KSR2: variants seen among roughly 807,000 people sequenced by gnomAD.
KSR2 encodes the protein kinase suppressor of ras 2.
KSR2 carries 25 observed loss-of-function variants against 107.8 expected under a neutral mutation model. The observed-to-expected ratio is 0.23, with a 90% CI of 0.17 to 0.32. KSR2 has a LOEUF of 0.32. Among genes scored for constraint, KSR2 ranks in the 10% least tolerant of loss-of-function variants. KSR2 has a pLI of 1.00. For synonymous variants in KSR2, 480 were observed against 507.0 expected, an observed-to-expected ratio of 0.95 and a Z score of 0.71; for missense variants, 887 against 1,268.9, an observed-to-expected ratio of 0.70 and a Z score of 4.57.
intron 1 of KSR2, among the ~76,000 whole-genome samples, chr12:117,953,606 A>C (rs75730767): frequency 0.032 from 4,898 of 152,274 alleles, 262 homozygotes; most frequent in African/African-American, 0.11. Flanking sequence ...CTAGAGTATT[A>C]AGTTCATAGA....
At chr12:117,558,485 C>G in intron 8 of KSR2, 21 bp downstream of exon 8, 1 of 1,610,304 alleles carries the variant, frequency 6.2e-7, no homozygotes, top group Non-Finnish European at 8.5e-7. Flanking sequence ...GCCCCTAGGG[C>G]AGTAAGTGTT....
chr12:117,796,279 G>A (rs966610578), intron 3 of KSR2, among the ~76,000 whole-genome samples: 1 of 152,156 alleles, frequency 6.6e-6, no homozygotes, highest in Non-Finnish European at 1.5e-5. Flanking sequence ...AGGCCTCTGT[G>A]AGCAAGTGCA....
intron 4 of KSR2, among the ~76,000 whole-genome samples, chr12:117,744,937 T>A (rs1255063140): frequency 6.6e-6 from 1 of 152,202 alleles, no homozygotes; most frequent in Admixed American, 6.5e-5. Flanking sequence ...ATTTTTTAAA[T>A]AATGATGATT....
chr12:117,737,753 A>T (rs757653592), intron 4 of KSR2, among the ~76,000 whole-genome samples: 8 of 144,604 alleles, frequency 5.5e-5, no homozygotes, highest in Non-Finnish European at 1.0e-4. Flanking sequence ...ACTGCACTCC[A>T]GCCTGGGTGA....
intron 9 of KSR2, among the ~76,000 whole-genome samples, chr12:117,553,562 C>T (rs975183010): frequency 6.6e-6 from 1 of 152,172 alleles, no homozygotes; most frequent in Non-Finnish European, 1.5e-5. Flanking sequence ...AGGACCTGAA[C>T]ACAGGTCAGT....
intron 3 of KSR2, among the ~76,000 whole-genome samples, chr12:117,848,314 G>A (rs991252629): frequency 1.8e-4 from 27 of 152,318 alleles, no homozygotes; most frequent in African/African-American, 6.3e-4. Flanking sequence ...GTCTAGGAAG[G>A]GACCCTGCTG....
At chr12:117,861,811 A>C (rs1185911765) in intron 1 of KSR2, among the ~76,000 whole-genome samples, 3 of 152,080 alleles carry the variant, frequency 2.0e-5, no homozygotes, top group African/African-American at 4.8e-5. Context: ...CCCAAAATTA[A>C]CTCTTTTAAA....
At chr12:117,581,106 A>G (rs1879637267) in intron 6 of KSR2, among the ~76,000 whole-genome samples, 1 of 152,200 alleles carries the variant, frequency 6.6e-6, no homozygotes, top group Non-Finnish European at 1.5e-5. Context: ...TTCTTCCTCC[A>G]ACGTTTTCTC....
intron 14 of KSR2, among the ~76,000 whole-genome samples, chr12:117,491,160 T>A (rs1250105573): frequency 6.6e-6 from 1 of 152,154 alleles, no homozygotes; most frequent in African/African-American, 2.4e-5. Flanking sequence ...ATAAGTGAGA[T>A]CATGTGGTAT....
At chr12:117,938,439 A>G (rs918193812) in intron 1 of KSR2, among the ~76,000 whole-genome samples, 2 of 152,056 alleles carry the variant, frequency 1.3e-5, no homozygotes, top group Non-Finnish European at 2.9e-5. Flanking sequence ...GGATCGCTTG[A>G]GTCCAGAGGT....
chr12:117,924,593 A>G lies in KSR2; in HGVS notation c.180+43483T>C, dbSNP rs199718228. 4.1e-3 allele frequency among the ~76,000 whole-genome samples: 611 copies of G among 149,410 alleles called. 4 individuals are homozygous for G. Among genetic ancestry groups the G allele is most frequent in the East Asian group, 0.028 (142 of 4,984 alleles). ...ATCTCAAAAAAAAAAAAAAAAAAAA[A>G]AAAGAAAGAAAGAAAAGAAAGAAAT... On this transcript the variant is annotated intron_variant, in intron 1 of 19. Coordinates refer to ENST00000339824, the MANE Select transcript of KSR2 (RefSeq NM_173598.6).
chr12:117,815,537 T>C (rs1041577840), intron 3 of KSR2, among the ~76,000 whole-genome samples: 3 of 152,160 alleles, frequency 2.0e-5, no homozygotes, highest in Non-Finnish European at 4.4e-5. Context: ...CAGGATACAG[T>C]AGCAAATCAA....
intron 5 of KSR2, among the ~76,000 whole-genome samples, chr12:117,614,881 C>T (rs1881789760): frequency 6.6e-6 from 1 of 152,154 alleles, no homozygotes; most frequent in African/African-American, 2.4e-5. Flanking sequence ...GAAAGAATTG[C>T]TCCCTGTTTT....
chr12:117,940,919 C>T lies in KSR2; in HGVS notation c.180+27157G>A, dbSNP rs141787946. 9.7e-4 allele frequency among the ~76,000 whole-genome samples: 147 copies of T among 152,024 alleles called. 1 individual carries two copies. Among genetic ancestry groups the T allele is most frequent in the African/African-American group, 3.4e-3 (141 of 41,480 alleles). ...TGGCCAACATGGCAAAATCCCATCT[C>T]TACTAAAAATACAAAAATTAGCCGG... On this transcript the variant is annotated intron_variant, in intron 1 of 19. Transcript: ENST00000339824.
intron 14 of KSR2, among the ~76,000 whole-genome samples, chr12:117,518,009 C>A (rs367603348): frequency 6.6e-6 from 1 of 152,168 alleles, no homozygotes; most frequent in Non-Finnish European, 1.5e-5. Flanking sequence ...AAAACAGGAA[C>A]TGATTTGGAG....
At chr12:117,693,822 A>C (rs1885933612) in intron 4 of KSR2, among the ~76,000 whole-genome samples, 1 of 152,020 alleles carries the variant, frequency 6.6e-6, no homozygotes, top group East Asian at 1.9e-4. Context: ...CACAGGGGAG[A>C]CTCATTTATC....
intron 5 of KSR2, among the ~76,000 whole-genome samples, chr12:117,591,134 T>C (rs1015017385): frequency 2.0e-5 from 3 of 152,178 alleles, no homozygotes; most frequent in African/African-American, 7.2e-5. Context: ...AGCCCAAGAC[T>C]GTGTTCTTTC....
In KSR2 at chr12:117,730,709, T is replaced by C. The variant is rs552253521; in HGVS notation, c.986+30302A>G. ...TTTTTTGGTGGAGACGGGGTTTCGC[T>C]GTGTTGGCCAGGCTGGTCTCCAGCT... On this transcript the variant is annotated intron_variant, in intron 4 of 19. Coordinates refer to ENST00000339824, the MANE Select transcript of KSR2 (RefSeq NM_173598.6). 9.2e-5 allele frequency among the ~76,000 whole-genome samples: 14 copies of C among 152,342 alleles called. No individual in the cohort carries two copies. The South Asian group carries it at 1.7e-3, about 18-fold the overall frequency.
intron 5 of KSR2, among the ~76,000 whole-genome samples, chr12:117,592,815 T>G (rs1021044438): frequency 2.0e-5 from 3 of 151,882 alleles, no homozygotes; most frequent in Admixed American, 6.6e-5. Flanking sequence ...CTAGGTCGGG[T>G]AGGGCAAGGG....
Sources: allele counts gnomAD v4.1 joint callset (sites outside exome capture counted in the v4.1 genomes callset), GRCh38; gene constraint gnomAD v4.1.1; transcripts MANE v1.5; gene names NCBI Gene and HGNC (gene_info 2026-07-23, HGNC 2026-07-21).